The following WNT7B variants were observed in gnomAD, a reference collection of about 807,000 sequenced individuals.
WNT7B encodes Wnt family member 7B, also known as protein Wnt-7b.
In WNT7B, 19 loss-of-function variants were observed where a neutral mutation model predicts 38.2. That is an observed-to-expected ratio of 0.50 (90% CI 0.35 to 0.73). The LOEUF is 0.73. WNT7B is among the 30% of genes least tolerant of loss of function. The pLI, the probability that WNT7B is intolerant of heterozygous loss-of-function variation, is 0.01. For synonymous variants in WNT7B, 243 were observed against 209.3 expected (o/e 1.16, Z -1.39); for missense variants, 423 against 507.9 (o/e 0.83, Z 1.61).
At position 45,949,986 on chromosome 22, in the gene WNT7B, G is replaced by A. The variant is rs1325810783; in HGVS notation, c.232C>T (p.Arg78Cys). Reference protein sequence around the residue: ...MGINECQYQFRFGRWNCSALG... With the variant: ...MGINECQYQFCFGRWNCSALG... ...GCAGAGCAGTTCCAGCGTCCGAAGC[G>A]GAACTGGTACTGGCACTCGTTGATG... The change falls in exon 2 of 4, where the codon CGC (arginine) becomes TGC (cysteine). Residue 78 changes from arginine to cysteine, a missense_variant. Arg to Cys is a radical substitution (Grantham distance 180). Around this residue, in one of 3 missense-constraint regions of WNT7B, gnomAD observed 133 missense variants for 179.8 expected, o/e 0.74. Transcript: ENST00000339464. The A allele has an allele frequency of 3.1e-6, 5 of 1,613,894 alleles. No homozygotes were observed. Among genetic ancestry groups the A allele is most frequent in the Admixed American group, 1.7e-5 (1 of 60,028 alleles).
intron 2 of WNT7B, among the ~76,000 whole-genome samples, chr22:45,948,303 C>A (rs1408159469): frequency 1.3e-5 from 2 of 152,192 alleles, no homozygotes; most frequent in African/African-American, 4.8e-5. Flanking sequence ...CCTGCCACAG[C>A]TGGCACCTGG....
intron 2 of WNT7B, among the ~76,000 whole-genome samples, chr22:45,939,173 G>T (rs1399957624): frequency 6.6e-6 from 1 of 152,178 alleles, no homozygotes; most frequent in Non-Finnish European, 1.5e-5. Flanking sequence ...GATGCTGGTG[G>T]CAGTGTGAGA....
rs984013231 is a variant in WNT7B, at chr22:45,951,924, G to A, written c.72-1778C>T. ...AGTTGCTGGGTCAGGTGGTCCCTTC[G>A]CTTTCTGAGGACTTGCCGGACTGCC... is the stretch of plus-strand genomic sequence containing the variant. On this transcript the variant is annotated intron_variant, in intron 1 of 3. Transcript: ENST00000339464. The surrounding 1 kb of genome is among the most constrained non-coding windows in gnomAD (Gnocchi z 4.8). 2.0e-5 allele frequency among the ~76,000 whole-genome samples: 3 copies of A among 152,170 alleles called. No individual in the cohort carries two copies. Among genetic ancestry groups the A allele is most frequent in the East Asian group, 1.9e-4 (1 of 5,192 alleles).
At chr22:45,964,034 A>T (rs189714786) in intron 1 of WNT7B, among the ~76,000 whole-genome samples, 2 of 152,188 alleles carry the variant, frequency 1.3e-5, no homozygotes, top group Non-Finnish European at 2.9e-5. Flanking sequence ...GCCCATGTGC[A>T]ATCTGCAGCC....
At chr22:45,933,388 G>A (rs1166884015) in intron 2 of WNT7B, among the ~76,000 whole-genome samples, 1 of 152,180 alleles carries the variant, frequency 6.6e-6, no homozygotes, top group Non-Finnish European at 1.5e-5. Flanking sequence ...TCCCTGCCTG[G>A]GCCAGGGCCA....
At chr22:45,935,390 G>A (rs1931490594) in intron 2 of WNT7B, among the ~76,000 whole-genome samples, 1 of 152,200 alleles carries the variant, frequency 6.6e-6, no homozygotes, top group Non-Finnish European at 1.5e-5. Context: ...CCTGCAGGTT[G>A]GGCAGCCACC....
At position 45,922,977 on chromosome 22, in the gene WNT7B, C is replaced by T. The variant is rs373258227; in HGVS notation, c.929G>A (p.Gly310Asp). ...GTACTGGTGGGTGTTGTAGCCTCGG[C>T]CGCAGCACATGGTGTCACAGCCGTC... ...GADGCDTMCC[G>D]RGYNTHQYTK... The change falls in exon 4 of 4, where the codon GGC (glycine) becomes GAC (aspartate). Residue 310 changes from glycine to aspartate, a missense_variant. This residue lies in a region of WNT7B where 158 missense variants were observed against 214.7 expected (regional missense o/e 0.74). Coordinates refer to ENST00000339464, the MANE Select transcript of WNT7B (RefSeq NM_058238.3). The T allele has an allele frequency of 1.9e-6, 3 of 1,613,198 alleles. No homozygotes were observed. Among genetic ancestry groups the T allele is most frequent in the Non-Finnish European group, 2.5e-6 (3 of 1,179,876 alleles).
intron 2 of WNT7B, among the ~76,000 whole-genome samples, chr22:45,939,577 T>G (rs1931591899): frequency 6.6e-6 from 1 of 151,882 alleles, no homozygotes; most frequent in East Asian, 1.9e-4. Flanking sequence ...GCGGATGCCT[T>G]AAGCCCAGGA....
At chr22:45,944,412 A>T (rs1931745679) in intron 2 of WNT7B, among the ~76,000 whole-genome samples, 1 of 152,066 alleles carries the variant, frequency 6.6e-6, no homozygotes, top group Admixed American at 6.5e-5. Context: ...CTTCCCGGGG[A>T]GGGGCAGCCC....
In WNT7B at chr22:45,977,012, C is replaced by G. The variant is rs1223347645; in HGVS notation, c.-258G>C. The G allele has an allele frequency of 1.0e-6, 1 of 985,720 alleles. No homozygotes were observed. The highest frequency in any genetic ancestry group is 4.7e-5 in the South Asian group (1 of 21,418). 61.1% of individuals were successfully genotyped at this position (985,720 alleles called of 1,614,324 possible). On this transcript the variant is annotated 5_prime_UTR_variant, in exon 1 of 4. Coordinates refer to ENST00000339464, the MANE Select transcript of WNT7B (RefSeq NM_058238.3). ...CGACCTCGAAGCCCGGTTGAGCGAC[C>G]GTGGACCCCTGCAAGCGCGGGCCGG... is the stretch of plus-strand genomic sequence containing the variant.
At chr22:45,972,856 G>GCATGTGCCTA (rs1446011658) in intron 1 of WNT7B, 1 of 152,660 alleles carries the variant, frequency 6.6e-6, no homozygotes, top group South Asian at 2.1e-4. Context: ...GTGTGTGCAT[G>GCATGTGCCTA]CATGTGCCTA....
At chr22:45,963,344 C>G (rs537316680) in intron 1 of WNT7B, among the ~76,000 whole-genome samples, 1 of 152,302 alleles carries the variant, frequency 6.6e-6, no homozygotes, top group African/African-American at 2.4e-5. Flanking sequence ...GCCAACTGCT[C>G]AGCTTGGATG....
At position 45,961,700 on chromosome 22, in the gene WNT7B, C is replaced by T. The variant is rs1162488521; in HGVS notation, c.72-11554G>A. Reference sequence around the variant, plus strand: ...GGCCCAGCTCAGGAATGAGGCCATCCCTCTGCTCCTCCCTGCCCCTCCCTG... The same window carrying T: ...GGCCCAGCTCAGGAATGAGGCCATCTCTCTGCTCCTCCCTGCCCCTCCCTG... On this transcript the variant is annotated intron_variant, in intron 1 of 3. Coordinates refer to ENST00000339464, the MANE Select transcript of WNT7B (RefSeq NM_058238.3). Among the ~76,000 whole-genome samples the T allele has an allele frequency of 3.3e-5, 5 of 152,170 alleles. No individual in the cohort carries two copies. In the East Asian group the frequency reaches 9.6e-4, roughly 29 times the overall value.
chr22:45,938,407 C>T (rs1255694170), intron 2 of WNT7B, among the ~76,000 whole-genome samples: 4 of 152,000 alleles, frequency 2.6e-5, no homozygotes, highest in African/African-American at 7.3e-5. Context: ...GAGGTCGAGG[C>T]GGGTGGATCA....
chr22:45,951,383 G>GT lies in WNT7B; in HGVS notation c.72-1238dup, dbSNP rs1931929310. Among the ~76,000 whole-genome samples, 1 of 150,594 alleles carries GT rather than the reference G, an allele frequency of 6.6e-6. No individual in the cohort carries two copies. The highest frequency in any genetic ancestry group is 2.1e-4 in the South Asian group (1 of 4,806). Reference sequence around the variant, plus strand: ...TGAGCCACTGCACCCAGCCTTGTGTGTTTTTTTAATGAGGTGAAATTCCCA... The same window carrying GT: ...TGAGCCACTGCACCCAGCCTTGTGTGTTTTTTTTAATGAGGTGAAATTCCCA... On this transcript the variant is annotated intron_variant, in intron 1 of 3. Coordinates refer to ENST00000339464, the MANE Select transcript of WNT7B (RefSeq NM_058238.3). This position sits in a 1 kb window ranked among gnomAD's most constrained non-coding sequence, Gnocchi z 4.8.
intron 1 of WNT7B, among the ~76,000 whole-genome samples, chr22:45,953,393 G>A (rs968558410): frequency 6.6e-6 from 1 of 152,238 alleles, no homozygotes; most frequent in African/African-American, 2.4e-5. Context: ...CCAGCAGACG[G>A]TCGGCCCCTC....
chr22:45,929,185 G>C (rs1931202890), intron 3 of WNT7B, among the ~76,000 whole-genome samples: 1 of 152,090 alleles, frequency 6.6e-6, no homozygotes, highest in South Asian at 2.1e-4. Context: ...CCTCCTCCAG[G>C]GAGTCCTCCC....
intron 1 of WNT7B, among the ~76,000 whole-genome samples, chr22:45,953,954 C>T (rs1931999704): frequency 6.6e-6 from 1 of 152,120 alleles, no homozygotes; most frequent in South Asian, 2.1e-4. Flanking sequence ...AAAGTTTGTA[C>T]ACAAATGATC....
intron 2 of WNT7B, among the ~76,000 whole-genome samples, chr22:45,934,470 A>C (rs2146717224): frequency 6.6e-6 from 1 of 152,256 alleles, no homozygotes; most frequent in Admixed American, 6.5e-5. Flanking sequence ...AGGAACCCCA[A>C]ATGATTGTGC....
Sources: allele counts gnomAD v4.1 joint callset (sites outside exome capture counted in the v4.1 genomes callset), GRCh38; gene constraint gnomAD v4.1.1; regional missense constraint gnomAD v4.1.1; non-coding constraint Gnocchi (gnomAD v3.1); transcripts MANE v1.5; gene names NCBI Gene and HGNC (gene_info 2026-07-23, HGNC 2026-07-21).